The following PARD3B variants were observed in gnomAD, a reference collection of about 807,000 sequenced individuals.
PARD3B encodes the protein par-3 family cell polarity regulator beta.
PARD3B carries 103 observed loss-of-function variants against 130.2 expected under a neutral mutation model. The ratio of observed to expected loss-of-function variants is 0.79; its 90% CI spans 0.67 to 0.93. PARD3B has a LOEUF of 0.93. PARD3B is among the 40% of genes least tolerant of loss of function. The pLI is 0.00. For missense variants in PARD3B, 1,609 were observed against 1,499.2 expected, an observed-to-expected ratio of 1.07 and a Z score of -1.21; for synonymous variants, 583 against 553.2, an observed-to-expected ratio of 1.05 and a Z score of -0.76.
chr2:204,805,768 C>T (rs1020353731), intron 2 of PARD3B, among the ~76,000 whole-genome samples: 3 of 152,096 alleles, frequency 2.0e-5, no homozygotes, highest in Non-Finnish European at 2.9e-5. Flanking sequence ...CACATACAAA[C>T]CAATCAAAGT....
intron 2 of PARD3B, among the ~76,000 whole-genome samples, chr2:204,757,774 A>G (rs1166406662): frequency 6.6e-6 from 1 of 152,100 alleles, no homozygotes; most frequent in African/African-American, 2.4e-5. Flanking sequence ...AGTGCTTTTG[A>G]AGTAGTCTAC....
chr2:204,857,443 A>G (rs1339859521), intron 2 of PARD3B, among the ~76,000 whole-genome samples: 3 of 152,312 alleles, frequency 2.0e-5, no homozygotes, highest in South Asian at 2.1e-4. Context: ...TGAGGCCCCT[A>G]TAGGAAAAGA....
chr2:205,581,261 G>GATAT (rs1193010794), intron 22 of PARD3B, among the ~76,000 whole-genome samples: 4,428 of 140,926 alleles, frequency 0.031, 221 homozygotes, highest in African/African-American at 0.11. Flanking sequence ...GATATATATA[G>GATAT]ATATAGATAG....
At chr2:204,896,282 T>G (rs1171549378) in intron 2 of PARD3B, among the ~76,000 whole-genome samples, 1 of 152,190 alleles carries the variant, frequency 6.6e-6, no homozygotes, top group African/African-American at 2.4e-5. Flanking sequence ...ATTGAATCAA[T>G]AATGAAAGTA....
In PARD3B at chr2:205,025,405, G is replaced by A. The variant is rs138818854; in HGVS notation, c.395-22176G>A. Reference sequence around the variant, plus strand: ...TGTGACACATGCACAGTGCCCTTTGGTTGTGCTGAATGGCTCACCACTAAC... The same window carrying A: ...TGTGACACATGCACAGTGCCCTTTGATTGTGCTGAATGGCTCACCACTAAC... On this transcript the variant is annotated intron_variant, in intron 3 of 22. Transcript: ENST00000406610. 2.3e-3 allele frequency among the ~76,000 whole-genome samples: 350 copies of A among 152,300 alleles called. 4 individuals carry two copies. Among genetic ancestry groups the A allele is most frequent in the African/African-American group, 7.9e-3 (330 of 41,570 alleles).
At chr2:205,034,545 C>T (rs1481856512) in intron 3 of PARD3B, among the ~76,000 whole-genome samples, 1 of 151,944 alleles carries the variant, frequency 6.6e-6, no homozygotes, top group Non-Finnish European at 1.5e-5. Flanking sequence ...CAAGGGGAGA[C>T]AAAATACAAC....
chr2:204,868,077 GA>G (rs1454406703), intron 2 of PARD3B, among the ~76,000 whole-genome samples: 1 of 152,120 alleles, frequency 6.6e-6, no homozygotes, highest in South Asian at 2.1e-4. Context: ...TGAACATTGT[GA>G]AAGATATCTG....
At chr2:205,207,490 A>C (rs1399222054) in intron 15 of PARD3B, among the ~76,000 whole-genome samples, 1 of 145,658 alleles carries the variant, frequency 6.9e-6, no homozygotes, top group Non-Finnish European at 1.5e-5. Flanking sequence ...TAAAGAAAAA[A>C]AGAGAGATGA....
In PARD3B at chr2:205,059,804, A is replaced by G. The variant is rs1699957437; in HGVS notation, c.504+12114A>G. ...TTCAGCTTTAATAGCGTTAATTTAC[A>G]TTCTACTTCTGCTAGCGAGTAGCCA... On this transcript the variant is annotated intron_variant, in intron 4 of 22. Transcript: ENST00000406610. 2.6e-5 allele frequency among the ~76,000 whole-genome samples: 4 copies of G among 152,080 alleles called. No individual in the cohort carries two copies. In the South Asian group the frequency reaches 8.3e-4, roughly 31 times the overall value.
At chr2:205,437,356 T>C (rs2047554018) in intron 19 of PARD3B, among the ~76,000 whole-genome samples, 1 of 152,170 alleles carries the variant, frequency 6.6e-6, no homozygotes. Context: ...AAATACTCTT[T>C]AAGGAAGATT....
intron 2 of PARD3B, among the ~76,000 whole-genome samples, chr2:204,758,122 T>C (rs1225277567): frequency 6.6e-6 from 1 of 152,172 alleles, no homozygotes; most frequent in Non-Finnish European, 1.5e-5. Flanking sequence ...TTTTCCTCCA[T>C]GTGGCAGTGT....
intron 2 of PARD3B, among the ~76,000 whole-genome samples, chr2:204,747,282 G>T (rs189390961): frequency 6.6e-6 from 1 of 152,142 alleles, no homozygotes; most frequent in Admixed American, 6.5e-5. Context: ...AAGATCAGAT[G>T]GTTGTAGATG....
chr2:205,381,104 A>G (rs2045411953), intron 18 of PARD3B, among the ~76,000 whole-genome samples: 1 of 94,340 alleles, frequency 1.1e-5, no homozygotes, highest in African/African-American at 4.5e-5. Flanking sequence ...TATAATATAT[A>G]AAGAATATAT....
chr2:205,427,007 A>G (rs1171785856), intron 19 of PARD3B, among the ~76,000 whole-genome samples: 1 of 152,168 alleles, frequency 6.6e-6, no homozygotes, highest in South Asian at 2.1e-4. Context: ...GCCCTTAAGC[A>G]TATGAAAAGA....
At chr2:204,783,159 TTCA>T (rs1238935507) in intron 2 of PARD3B, among the ~76,000 whole-genome samples, 2 of 152,118 alleles carry the variant, frequency 1.3e-5, no homozygotes, top group East Asian at 3.9e-4. Context: ...ATCTGAGCTC[TTCA>T]TGCAATGGAG....
chr2:204,705,525 T>G (rs2038099591), intron 2 of PARD3B, among the ~76,000 whole-genome samples: 4 of 152,112 alleles, frequency 2.6e-5, no homozygotes, highest in Admixed American at 2.6e-4. Flanking sequence ...CAAATATCTC[T>G]CACATAATTT....
Position 205,170,182 on chromosome 2 carries a change from G to A in PARD3B, c.1621-2029G>A, listed in dbSNP as rs1338019874. ...TGACCTCAGGGGATCCGCCCACCTC[G>A]GCCTCCCAGAGTGCTGGGGTTACAG... On this transcript the variant is annotated intron_variant, in intron 11 of 22. Transcript: ENST00000406610. Among the ~76,000 whole-genome samples, 4 of 152,012 alleles carry A rather than the reference G, an allele frequency of 2.6e-5. No homozygotes were observed. In the South Asian group the frequency reaches 6.2e-4, roughly 24 times the overall value.
intron 18 of PARD3B, among the ~76,000 whole-genome samples, chr2:205,399,920 A>G (rs1196044658): frequency 1.3e-5 from 2 of 152,188 alleles, no homozygotes; most frequent in Non-Finnish European, 2.9e-5. Flanking sequence ...GCGTACAGGC[A>G]GAGATCGGGT....
At chr2:205,248,250 C>G (rs2039655441) in intron 16 of PARD3B, among the ~76,000 whole-genome samples, 1 of 151,992 alleles carries the variant, frequency 6.6e-6, no homozygotes, top group South Asian at 2.1e-4. Flanking sequence ...GCCACTCCCC[C>G]AATTTTTTAC....
Sources: allele counts gnomAD v4.1 joint callset (sites outside exome capture counted in the v4.1 genomes callset), GRCh38; gene constraint gnomAD v4.1.1; transcripts MANE v1.5; gene names NCBI Gene and HGNC (gene_info 2026-07-23, HGNC 2026-07-21).